Variants in MOB4 observed in about 807,000 individuals in gnomAD.
MOB4 encodes the protein MOB-like protein phocein.
In MOB4, 4 loss-of-function variants were observed where a neutral mutation model predicts 32.2. The observed-to-expected ratio is 0.12, with a 90% confidence interval of 0.06 to 0.28. The LOEUF is 0.28. Among genes scored for constraint, MOB4 ranks in the 10% least tolerant of loss-of-function variants. MOB4 has a pLI of 1.00. For synonymous variants in MOB4, 88 were observed against 88.1 expected, an observed-to-expected ratio of 1.00 and a Z score of 0.01; for missense variants, 158 against 271.2, an observed-to-expected ratio of 0.58 and a Z score of 2.93.
At chr2:197,522,704 T>C (rs2086543433) in intron 1 of MOB4, among the ~76,000 whole-genome samples, 1 of 152,052 alleles carries the variant, frequency 6.6e-6, no homozygotes, top group South Asian at 2.1e-4. Context: ...AGAATAATAA[T>C]TTATAATTTC....
At chr2:197,549,774 C>T (rs150017906) in intron 6 of MOB4, among the ~76,000 whole-genome samples, 2,156 of 150,886 alleles carry the variant, frequency 0.014, 47 homozygotes, top group African/African-American at 0.05. Flanking sequence ...TGGTTTCGAA[C>T]TCCTGACCTC....
chr2:197,522,323 CTTTTTTTTTTT>C (rs57163165), intron 1 of MOB4, among the ~76,000 whole-genome samples: 3 of 66,438 alleles, frequency 4.5e-5, no homozygotes, highest in South Asian at 5.0e-4. Flanking sequence ...GGGTGATTAC[CTTTTTTTTTTT>C]TTTTTTTTTT....
chr2:197,550,437 A>G, intron 7 of MOB4, 51 bp downstream of exon 7: 1 of 1,596,012 alleles, frequency 6.3e-7, no homozygotes, highest in South Asian at 1.1e-5. Context: ...GTGTAACAGT[A>G]ATATATATTG....
chr2:197,519,478 A>G (rs761162866), intron 1 of MOB4, among the ~76,000 whole-genome samples: 7 of 152,206 alleles, frequency 4.6e-5, no homozygotes, highest in Non-Finnish European at 1.0e-4. Flanking sequence ...ACATTCTGTT[A>G]TATAGTTTAA....
At chr2:197,521,247 G>A (rs1327312879) in intron 1 of MOB4, among the ~76,000 whole-genome samples, 8 of 152,106 alleles carry the variant, frequency 5.3e-5, no homozygotes, top group African/African-American at 9.7e-5. Flanking sequence ...ATCACATGTC[G>A]GTGGGTACCG....
In MOB4 at chr2:197,550,568, G is replaced by A; in HGVS notation, c.600G>A (p.Leu200=). The change falls in exon 8 of 8, where the codon TTG becomes TTA. Residue 200 remains leucine (L), a synonymous_variant. Coordinates refer to ENST00000323303, the MANE Select transcript of MOB4 (RefSeq NM_015387.5). The part of the protein sequence containing the change: ...RFTKFVMKYN[L]MSKDNLIVPI... Reference sequence around the variant, plus strand: ...CTAAGTTTGTGATGAAATACAATTTGATGTCCAAGGATAACCTGATTGTAC... The same window carrying A: ...CTAAGTTTGTGATGAAATACAATTTAATGTCCAAGGATAACCTGATTGTAC... 6.2e-7 allele frequency: 1 copy of A among 1,609,622 alleles called. No individual in the cohort carries two copies. Among genetic ancestry groups the A allele is most frequent in the Non-Finnish European group, 8.5e-7 (1 of 1,178,752 alleles).
intron 2 of MOB4, among the ~76,000 whole-genome samples, chr2:197,527,889 G>A (rs1218793445): frequency 6.6e-6 from 1 of 152,042 alleles, no homozygotes; most frequent in Non-Finnish European, 1.5e-5. Flanking sequence ...GTATGATTGT[G>A]TGCTTTTTTC....
At chr2:197,547,192 G>A (rs1574654867) in intron 5 of MOB4, among the ~76,000 whole-genome samples, 1 of 152,176 alleles carries the variant, frequency 6.6e-6, no homozygotes, top group South Asian at 2.1e-4. Context: ...AGGCTGAGGA[G>A]AAAGAGAAAG....
At chr2:197,533,490 C>T (rs1027727191) in intron 2 of MOB4, among the ~76,000 whole-genome samples, 2 of 151,974 alleles carry the variant, frequency 1.3e-5, no homozygotes, top group African/African-American at 2.4e-5. Flanking sequence ...TTCGGGAGGC[C>T]GAGGCGGGTG....
rs58837777 is a variant in MOB4, at chr2:197,553,263, G to A, written c.*2617G>A. 0.44 allele frequency: 66,093 copies of A among 151,872 alleles called. 14,759 individuals are homozygous for A. The highest frequency in any genetic ancestry group is 0.56 in the South Asian group (2,698 of 4,816). 9.4% of individuals were successfully genotyped at this position (151,872 alleles called of 1,614,324 possible). On this transcript the variant is annotated 3_prime_UTR_variant, in exon 8 of 8. Transcript: ENST00000323303. ...AGCCTGACCAACATGGAGAAACCCT[G>A]TCTCTACTAAAAATACAAAAATTAG...
At chr2:197,548,280 A>G in intron 5 of MOB4, 56 bp from the exon 6 acceptor site, 1 of 1,489,088 alleles carries the variant, frequency 6.7e-7, no homozygotes, top group Non-Finnish European at 9.2e-7. Flanking sequence ...TAATGAATAT[A>G]TCTAACTTAA....
intron 5 of MOB4, among the ~76,000 whole-genome samples, chr2:197,543,896 C>T (rs1302070712): frequency 2.0e-5 from 3 of 151,996 alleles, no homozygotes; most frequent in Non-Finnish European, 2.9e-5. Flanking sequence ...TGTGCCACCT[C>T]GCCTGACTAA....
intron 1 of MOB4, among the ~76,000 whole-genome samples, chr2:197,517,033 A>G (rs2086427377): frequency 6.6e-6 from 1 of 152,238 alleles, no homozygotes; most frequent in Non-Finnish European, 1.5e-5. Flanking sequence ...AGTGATGCAA[A>G]TGAAAATTGA....
In MOB4 at chr2:197,520,818, G is replaced by A. The variant is rs530155381; in HGVS notation, c.61-2806G>A. 1.4e-4 allele frequency among the ~76,000 whole-genome samples: 21 copies of A among 150,484 alleles called. 1 individual carries two copies. In the South Asian group the frequency reaches 2.5e-3, roughly 18 times the overall value. On this transcript the variant is annotated intron_variant, in intron 1 of 7. Coordinates refer to ENST00000323303, the MANE Select transcript of MOB4 (RefSeq NM_015387.5). Reference sequence around the variant, plus strand: ...CATGCTTGTAATGCCAGCACTTTGGGAGGCTGAGGCTGGAGGATTGTTTGT... The same window carrying A: ...CATGCTTGTAATGCCAGCACTTTGGAAGGCTGAGGCTGGAGGATTGTTTGT...
At chr2:197,518,922 A>AT (rs954727224) in intron 1 of MOB4, among the ~76,000 whole-genome samples, 7 of 149,466 alleles carry the variant, frequency 4.7e-5, no homozygotes, top group Middle Eastern at 3.5e-3. Flanking sequence ...CGTCTGACTA[A>AT]TTTTTTTTTG....
chr2:197,541,851 G>A (rs543576800), intron 5 of MOB4, among the ~76,000 whole-genome samples: 2 of 151,560 alleles, frequency 1.3e-5, no homozygotes, highest in Non-Finnish European at 3.0e-5. Context: ...CCCAGGAGGC[G>A]GAGCTTGCAG....
At chr2:197,549,771 G>A (rs1424762396) in intron 6 of MOB4, among the ~76,000 whole-genome samples, 3 of 148,994 alleles carry the variant, frequency 2.0e-5, no homozygotes, top group Admixed American at 6.8e-5. Flanking sequence ...GGCTGGTTTC[G>A]AACTCCTGAC....
intron 3 of MOB4, among the ~76,000 whole-genome samples, chr2:197,538,067 C>T (rs1344828505): frequency 2.0e-5 from 3 of 152,066 alleles, no homozygotes; most frequent in East Asian, 1.9e-4. Flanking sequence ...CGTGTGCCAC[C>T]ACACTTGGCC....
At chr2:197,542,095 G>A (rs1233000133) in intron 5 of MOB4, among the ~76,000 whole-genome samples, 2 of 152,176 alleles carry the variant, frequency 1.3e-5, no homozygotes, top group Non-Finnish European at 2.9e-5. Context: ...TTTTGTTTTG[G>A]CAAATAGTAA....
Sources: gnomAD v4.1 joint callset for allele counts (sites outside exome capture counted in the v4.1 genomes callset) on GRCh38, gnomAD v4.1.1 for gene constraint, MANE v1.5 for transcripts, NCBI Gene and HGNC (gene_info 2026-07-23, HGNC 2026-07-21) for gene names.